The following MAGED1 variants were observed in gnomAD, a reference collection of about 807,000 sequenced individuals.
The protein encoded by MAGED1 is MAGE family member D1, also known as melanoma-associated antigen D1.
In MAGED1, 3 loss-of-function variants were observed where a neutral mutation model predicts 54.1. The ratio of observed to expected loss-of-function variants is 0.06; its 90% CI spans 0.03 to 0.14. MAGED1 has a LOEUF of 0.14. MAGED1 is among the 10% of genes least tolerant of loss of function. The pLI is 1.00. For synonymous variants in MAGED1, 217 were observed against 227.3 expected, an observed-to-expected ratio of 0.95 and a Z score of 0.41; for missense variants, 485 against 623.4, an observed-to-expected ratio of 0.78 and a Z score of 2.36.
intron 1 of MAGED1, among the ~76,000 whole-genome samples, chrX:51,872,102 C>T (rs1352093051): frequency 2.1e-4 from 23 of 111,697 alleles, no homozygotes; most frequent in Admixed American, 3.8e-4. Context: ...TCATATCCTT[C>T]GCCCACTTTT....
At chrX:51,876,241 T>C (rs1569555924) in intron 1 of MAGED1, among the ~76,000 whole-genome samples, 1 of 110,568 alleles carries the variant, frequency 9.0e-6, no homozygotes, top group Admixed American at 9.6e-5. Context: ...TTTCTTTTTT[T>C]TTTTTTCTTT....
intron 1 of MAGED1, among the ~76,000 whole-genome samples, chrX:51,827,696 A>G (rs1925905081): frequency 9.0e-6 from 1 of 111,638 alleles, no homozygotes; most frequent in African/African-American, 3.3e-5. Flanking sequence ...TGTGAACCTA[A>G]AGCTTATCTA....
intron 1 of MAGED1, chrX:51,856,908 T>C (rs1490992115): frequency 1.8e-5 from 2 of 111,563 alleles, no homozygotes; most frequent in African/African-American, 3.3e-5. Flanking sequence ...GGGAATCTTC[T>C]AGGAAAAAAA....
intron 1 of MAGED1, among the ~76,000 whole-genome samples, chrX:51,818,481 C>T (rs1291127699): frequency 8.9e-6 from 1 of 111,819 alleles, no homozygotes; most frequent in Non-Finnish European, 1.9e-5. Context: ...CCCATCACCC[C>T]TCTCCCAGAC....
At chrX:51,849,054 C>T (rs1217025717) in intron 1 of MAGED1, among the ~76,000 whole-genome samples, 1 of 108,992 alleles carries the variant, frequency 9.2e-6, no homozygotes, top group Non-Finnish European at 1.9e-5. Context: ...CAATTTAGCT[C>T]TGTGGTCCAC....
At chrX:51,825,058 A>G (rs1211771661) in intron 1 of MAGED1, among the ~76,000 whole-genome samples, 1 of 110,603 alleles carries the variant, frequency 9.0e-6, no homozygotes, top group African/African-American at 3.3e-5. Context: ...GGGCTTATCA[A>G]AGAAAGACAT....
upstream of MAGED1, among the ~76,000 whole-genome samples, chrX:51,892,304 C>G (rs781996231): frequency 3.6e-5 from 4 of 112,436 alleles, no homozygotes; most frequent in East Asian, 1.1e-3. Flanking sequence ...AATTGAGTGA[C>G]CCGTGCGGGC....
chrX:51,863,635 AC>A (rs1280684407), intron 1 of MAGED1, among the ~76,000 whole-genome samples: 1 of 111,942 alleles, frequency 8.9e-6, no homozygotes, highest in East Asian at 2.8e-4. Context: ...TTTTGCCAAC[AC>A]TTGTTATCAT....
At chrX:51,809,700 G>A (rs782709312) in intron 1 of MAGED1, among the ~76,000 whole-genome samples, 2 of 110,811 alleles carry the variant, frequency 1.8e-5, no homozygotes, top group Admixed American at 1.9e-4. Flanking sequence ...TGCTGGGATT[G>A]ATTTGTCATT....
chrX:51,812,706 A>G (rs782324696), intron 1 of MAGED1, among the ~76,000 whole-genome samples: 20 of 111,807 alleles, frequency 1.8e-4, no homozygotes, highest in African/African-American at 4.9e-4. Flanking sequence ...GCTATTATGA[A>G]TAATGCTGCT....
chrX:51,883,148 G>T lies in MAGED1; in HGVS notation c.-36-11121G>T, dbSNP rs782166599. On this transcript the variant is annotated intron_variant, in intron 1 of 12. Transcript: ENST00000375772. The stretch of plus-strand genomic sequence containing the variant: ...CTGATAGAGTGGTAAGATGAATGGG[G>T]AGTGGGAACATTCTAGTCCCCTCAG... Among the ~76,000 whole-genome samples, 6 of 111,330 alleles carry T rather than the reference G, an allele frequency of 5.4e-5. No homozygotes were observed. The East Asian group carries it at 1.4e-3, about 26-fold the overall frequency.
At chrX:51,832,444 CCACTCCCACTTTAT>C (rs1388568676) in intron 1 of MAGED1, among the ~76,000 whole-genome samples, 1 of 111,207 alleles carries the variant, frequency 9.0e-6, no homozygotes, top group Non-Finnish European at 1.9e-5. Flanking sequence ...TACCCATTAA[CCACTCCCACTTTAT>C]CTCTCCCTCT....
intron 1 of MAGED1, among the ~76,000 whole-genome samples, chrX:51,840,749 A>G (rs1926434916): frequency 1.8e-5 from 2 of 109,902 alleles, no homozygotes; most frequent in South Asian, 8.0e-4. Context: ...CCATGTCCCT[A>G]CAAAGGACAT....
intron 1 of MAGED1, among the ~76,000 whole-genome samples, chrX:51,834,950 CT>C (rs1229492219): frequency 1.8e-5 from 2 of 111,889 alleles, no homozygotes; most frequent in African/African-American, 6.5e-5. Context: ...TATTTCCTTT[CT>C]TGTAATGTCT....
intron 1 of MAGED1, among the ~76,000 whole-genome samples, chrX:51,841,468 T>G (rs1465981393): frequency 3.6e-5 from 4 of 110,840 alleles, no homozygotes; most frequent in African/African-American, 1.3e-4. Context: ...TTTTGGCTTT[T>G]GTTGCCATTG....
At chrX:51,853,271 A>G (rs782791321) in intron 1 of MAGED1, among the ~76,000 whole-genome samples, 2 of 112,023 alleles carry the variant, frequency 1.8e-5, no homozygotes, top group African/African-American at 6.5e-5. Flanking sequence ...CATAGTAAAC[A>G]TAGTCGTCTT....
At chrX:51,898,018 CT>C in intron 7 of MAGED1, 95 bp from the exon 8 acceptor site, 1 of 925,741 alleles carries the variant, frequency 1.1e-6, no homozygotes. Flanking sequence ...TAATTCTCCC[CT>C]AGCTGAGGAA....
intron 11 of MAGED1, among the ~76,000 whole-genome samples, 172 bp downstream of exon 11, chrX:51,900,468 T>C (rs1928964982): frequency 9.0e-6 from 1 of 111,682 alleles, no homozygotes; most frequent in Non-Finnish European, 1.9e-5. Flanking sequence ...TGCTAACATA[T>C]GTTAATATAT....
At chrX:51,897,121 TTTTC>T in intron 4 of MAGED1, 44 bp downstream of exon 4, 1 of 1,199,914 alleles carries the variant, frequency 8.3e-7, no homozygotes, top group Non-Finnish European at 1.1e-6. Flanking sequence ...TCTCTTGCTC[TTTTC>T]TTTGTCATCC....
Sources: allele counts gnomAD v4.1 joint callset (sites outside exome capture counted in the v4.1 genomes callset), GRCh38; gene constraint gnomAD v4.1.1; transcripts MANE v1.5; gene names NCBI Gene and HGNC (gene_info 2026-07-23, HGNC 2026-07-21).